Variants in TSHZ1 observed in about 807,000 individuals in gnomAD.
TSHZ1 encodes teashirt homolog 1.
TSHZ1 carries 12 observed loss-of-function variants against 67.1 expected under a neutral mutation model. The ratio of observed to expected loss-of-function variants is 0.18; its 90% CI spans 0.11 to 0.29. The LOEUF (loss-of-function observed/expected upper bound fraction) is 0.29. Ranked by LOEUF, TSHZ1 falls within the 10% of genes least tolerant of loss-of-function variation. The pLI is 1.00. For missense variants in TSHZ1, 1,305 were observed against 1,413.9 expected, an observed-to-expected ratio of 0.92 and a Z score of 1.23; for synonymous variants, 632 against 622.4, an observed-to-expected ratio of 1.02 and a Z score of -0.23.
intron 1 of TSHZ1, among the ~76,000 whole-genome samples, chr18:75,236,521 T>C (rs2122543654): frequency 6.6e-6 from 1 of 152,242 alleles, no homozygotes; most frequent in East Asian, 1.9e-4. Context: ...CATTCTTCTG[T>C]TTTCAGTGTA....
At chr18:75,250,043 C>T (rs970761620) in intron 1 of TSHZ1, among the ~76,000 whole-genome samples, 1 of 150,594 alleles carries the variant, frequency 6.6e-6, no homozygotes, top group Non-Finnish European at 1.5e-5. Flanking sequence ...CTGCCTTCCT[C>T]CTGCAGTAGG....
At chr18:75,222,521 G>A (rs1164803628) in intron 1 of TSHZ1, among the ~76,000 whole-genome samples, 1 of 152,038 alleles carries the variant, frequency 6.6e-6, no homozygotes, top group African/African-American at 2.4e-5. Context: ...CGAGAAGCTG[G>A]TGGAATGGGG....
chr18:75,285,303 G>A (rs1452015722), intron 1 of TSHZ1, 145 bp from the exon 2 acceptor site: 49 of 968,198 alleles, frequency 5.1e-5, no homozygotes, highest in Non-Finnish European at 6.5e-5. Context: ...CTCCTGCAAA[G>A]GGGTAGATAT....
At chr18:75,276,498 A>C (rs544284743) in intron 1 of TSHZ1, among the ~76,000 whole-genome samples, 1 of 152,278 alleles carries the variant, frequency 6.6e-6, no homozygotes, top group South Asian at 2.1e-4. Context: ...TCTAACTTTC[A>C]TCAAAACCAC....
chr18:75,225,572 C>T (rs955621325), intron 1 of TSHZ1, among the ~76,000 whole-genome samples: 1 of 152,206 alleles, frequency 6.6e-6, no homozygotes, highest in African/African-American at 2.4e-5. Context: ...GGAATTAGAG[C>T]CCCACTGTCG....
chr18:75,261,152 C>T (rs1211376691), intron 1 of TSHZ1, among the ~76,000 whole-genome samples: 1 of 151,768 alleles, frequency 6.6e-6, no homozygotes, highest in African/African-American at 2.4e-5. Context: ...ACAAACAACT[C>T]TAAGGACTAC....
chr18:75,287,207 G>C lies in TSHZ1; in HGVS notation c.1800G>C (p.Gln600His). The C allele has an allele frequency of 1.2e-6, 2 of 1,613,762 alleles. No individual in the cohort carries two copies. Among genetic ancestry groups the C allele is most frequent in the Non-Finnish European group, 8.5e-7 (1 of 1,179,932 alleles). The change falls in exon 2 of 2, where the codon CAG (glutamine) becomes CAC (histidine). Residue 600 changes from glutamine to histidine, a missense_variant. Physicochemically the swap from Gln to His is conservative, Grantham distance 24. Coordinates refer to ENST00000580243, the MANE Select transcript of TSHZ1 (RefSeq NM_001308210.2). This position sits in a 1 kb window ranked among gnomAD's most constrained non-coding sequence, Gnocchi z 5.0. ...TGCCGGCGGCCGTGCAGAGCGTGCA[G>C]GTGCAGCCGTCCTATGCTGGCGGCG... is the stretch of plus-strand genomic sequence containing the variant. ...KPLPAAVQSVQVQPSYAGGVK... is the reference protein window; with the variant it reads ...KPLPAAVQSVHVQPSYAGGVK...
Position 75,286,222 on chromosome 18 carries a change from G to C in TSHZ1, c.815G>C (p.Arg272Pro). 2 of 1,614,042 alleles carry C rather than the reference G, an allele frequency of 1.2e-6. No individual in the cohort carries two copies. Among genetic ancestry groups the C allele is most frequent in the South Asian group, 2.2e-5 (2 of 91,074 alleles). Residue 272 changes from arginine (R) to proline (P), a missense_variant, in exon 2 of 2, where the codon CGT (arginine) becomes CCT (proline). By Grantham distance (103) the Arg-to-Pro change is moderately radical. This residue lies in a region of TSHZ1 where 358 missense variants were observed against 375.6 expected (regional missense o/e 0.95). Coordinates refer to ENST00000580243, the MANE Select transcript of TSHZ1 (RefSeq NM_001308210.2). This position sits in a 1 kb window ranked among gnomAD's most constrained non-coding sequence, Gnocchi z 5.1. The stretch of plus-strand genomic sequence containing the variant: ...CACATGAACGAGACAGGCCACTACC[G>C]TGACGACAACAGGGACAAGGACTCC... ...TVHMNETGHY[R>P]DDNRDKDSEK...
chr18:75,226,024 T>G (rs1461343609), intron 1 of TSHZ1, among the ~76,000 whole-genome samples: 3 of 152,198 alleles, frequency 2.0e-5, no homozygotes, highest in Admixed American at 6.5e-5. Context: ...GAAAATCCCC[T>G]TAGCAGGCAT....
In TSHZ1 at chr18:75,288,212, C is replaced by G; in HGVS notation, c.2805C>G (p.Leu935=). ...TGCACATCTCGAAGTTTACTGGGCT[C>G]TCCATGACCACCATCAGCCACTGGC... ...ERVHISKFTG[L]SMTTISHWLA... Residue 935 remains leucine, a synonymous_variant, in exon 2 of 2, where the codon CTC becomes CTG. Transcript: ENST00000580243. The surrounding 1 kb of genome is among the most constrained non-coding windows in gnomAD (Gnocchi z 4.9). 1 of 1,614,214 alleles carries G rather than the reference C, an allele frequency of 6.2e-7. No individual in the cohort carries two copies. Among genetic ancestry groups the G allele is most frequent in the Non-Finnish European group, 8.5e-7 (1 of 1,180,042 alleles).
At chr18:75,222,799 G>C (rs2022865856) in intron 1 of TSHZ1, among the ~76,000 whole-genome samples, 1 of 152,120 alleles carries the variant, frequency 6.6e-6, no homozygotes, top group African/African-American at 2.4e-5. Flanking sequence ...TAATCCCAAG[G>C]TTCTCAAGCA....
chr18:75,248,469 T>C (rs1232731279), intron 1 of TSHZ1, among the ~76,000 whole-genome samples: 1 of 152,252 alleles, frequency 6.6e-6, no homozygotes, highest in Non-Finnish European at 1.5e-5. Context: ...GTTTAGATAC[T>C]CTTATCATTA....
chr18:75,249,581 C>T (rs533532478), intron 1 of TSHZ1, among the ~76,000 whole-genome samples: 2 of 150,966 alleles, frequency 1.3e-5, no homozygotes, highest in East Asian at 2.0e-4. Context: ...GTGGGGGATG[C>T]ATGACCTCCT....
intron 1 of TSHZ1, among the ~76,000 whole-genome samples, chr18:75,234,920 T>G (rs1168345366): frequency 6.6e-6 from 1 of 152,254 alleles, no homozygotes; most frequent in African/African-American, 2.4e-5. Flanking sequence ...TATTTCATTT[T>G]CTCAGTAGAC....
intron 1 of TSHZ1, among the ~76,000 whole-genome samples, chr18:75,234,381 C>T (rs530342135): frequency 7.9e-5 from 12 of 152,280 alleles, no homozygotes; most frequent in South Asian, 4.1e-4. Flanking sequence ...CAATTTTCAG[C>T]GATACTTTAG....
chr18:75,267,514 C>T (rs576222340), intron 1 of TSHZ1, among the ~76,000 whole-genome samples: 4 of 152,196 alleles, frequency 2.6e-5, no homozygotes, highest in South Asian at 4.2e-4. Flanking sequence ...AAACACATCA[C>T]GGGCAATAGG....
chr18:75,231,483 C>G (rs952648486), intron 1 of TSHZ1, among the ~76,000 whole-genome samples: 1 of 152,236 alleles, frequency 6.6e-6, no homozygotes, highest in African/African-American at 2.4e-5. Context: ...TTCTAGATAG[C>G]TGTTCCTTGC....
chr18:75,233,100 C>T (rs2023021255), intron 1 of TSHZ1, among the ~76,000 whole-genome samples: 1 of 152,224 alleles, frequency 6.6e-6, no homozygotes, highest in South Asian at 2.1e-4. Flanking sequence ...ACAGCCTCAG[C>T]AGCTCTGGAA....
At chr18:75,278,059 T>C (rs1309953709) in intron 1 of TSHZ1, among the ~76,000 whole-genome samples, 1 of 151,962 alleles carries the variant, frequency 6.6e-6, no homozygotes, top group Non-Finnish European at 1.5e-5. Flanking sequence ...GGTGGGGGGA[T>C]CTGTTCTACT....
Sources: gnomAD v4.1 joint callset for allele counts (sites outside exome capture counted in the v4.1 genomes callset) on GRCh38, gnomAD v4.1.1 for gene constraint, gnomAD v4.1.1 regional missense constraint, Gnocchi (gnomAD v3.1) non-coding constraint, MANE v1.5 for transcripts, NCBI Gene and HGNC (gene_info 2026-07-23, HGNC 2026-07-21) for gene names.